NRXN1: variants seen among roughly 807,000 people sequenced by gnomAD.
NRXN1 encodes the protein neurexin 1.
Under a neutral mutation model 150.9 loss-of-function variants are expected in NRXN1, and 39 were observed. That is an observed-to-expected ratio of 0.26 (90% CI 0.20 to 0.34). The LOEUF (loss-of-function observed/expected upper bound fraction) is 0.34, where lower values mean the gene tolerates loss of function less well. Ranked by LOEUF, NRXN1 falls within the 10% of genes least tolerant of loss-of-function variation. NRXN1 has a pLI of 1.00. For synonymous variants in NRXN1, 924 were observed against 757.0 expected (o/e 1.22, Z -3.62); for missense variants, 1,815 against 1,949.9 (o/e 0.93, Z 1.30).
chr2:50,320,285 T>TAC (rs1558518798), intron 17 of NRXN1, among the ~76,000 whole-genome samples: 1,737 of 57,572 alleles, frequency 0.03, 74 homozygotes, highest in African/African-American at 0.055. Flanking sequence ...ACCTCAATCA[T>TAC]ATATATATAT....
intron 5 of NRXN1, among the ~76,000 whole-genome samples, chr2:50,855,751 A>G (rs1675181476): frequency 6.6e-6 from 1 of 152,084 alleles, no homozygotes; most frequent in African/African-American, 2.4e-5. Flanking sequence ...AAGGACAAAC[A>G]TTCATTGAAT....
chr2:50,313,182 A>G (rs1375887820), intron 17 of NRXN1, among the ~76,000 whole-genome samples: 1 of 152,092 alleles, frequency 6.6e-6, no homozygotes, highest in Non-Finnish European at 1.5e-5. Flanking sequence ...TATGTCTAGA[A>G]TTATCTCATC....
intron 19 of NRXN1, among the ~76,000 whole-genome samples, chr2:50,059,219 G>A (rs1694108112): frequency 6.6e-6 from 1 of 152,112 alleles, no homozygotes; most frequent in Non-Finnish European, 1.5e-5. Context: ...TGGAGCAAAG[G>A]AAATTATTGC....
At chr2:50,543,172 C>A (rs543916367) in intron 9 of NRXN1, among the ~76,000 whole-genome samples, 10 of 152,102 alleles carry the variant, frequency 6.6e-5, no homozygotes, top group African/African-American at 2.2e-4. Flanking sequence ...TTCCAGGAAC[C>A]ACAAATACTG....
At chr2:50,611,114 G>T (rs1678045518) in intron 8 of NRXN1, among the ~76,000 whole-genome samples, 1 of 135,118 alleles carries the variant, frequency 7.4e-6, no homozygotes, top group South Asian at 3.0e-4. Context: ...ATAAGCAAAT[G>T]GAGCAATTTA....
intron 17 of NRXN1, among the ~76,000 whole-genome samples, chr2:50,301,874 A>T (rs936624049): frequency 6.6e-6 from 1 of 152,158 alleles, no homozygotes; most frequent in African/African-American, 2.4e-5. Context: ...ATACAAATGA[A>T]TGAGACATTC....
At chr2:50,056,008 A>C (rs1693545669) in intron 19 of NRXN1, among the ~76,000 whole-genome samples, 1 of 152,050 alleles carries the variant, frequency 6.6e-6, no homozygotes, top group South Asian at 2.1e-4. Flanking sequence ...TGATCTGTAG[A>C]GCACTTACGA....
At chr2:50,104,102 G>A (rs1458409960) in intron 18 of NRXN1, among the ~76,000 whole-genome samples, 1 of 151,966 alleles carries the variant, frequency 6.6e-6, no homozygotes, top group African/African-American at 2.4e-5. Context: ...AAGGGATAGT[G>A]TTTGTGAAAT....
intron 6 of NRXN1, among the ~76,000 whole-genome samples, chr2:50,621,903 A>C (rs1286978683): frequency 6.6e-6 from 1 of 152,154 alleles, no homozygotes; most frequent in Admixed American, 6.6e-5. Context: ...CGGCTGTATA[A>C]CTACAGTTTC....
At chr2:50,162,225 G>A (rs762128439) in intron 18 of NRXN1, among the ~76,000 whole-genome samples, 6 of 152,110 alleles carry the variant, frequency 3.9e-5, no homozygotes, top group Non-Finnish European at 8.8e-5. Context: ...AGAACTAGGC[G>A]TTTTATATAG....
chr2:50,109,115 CTG>C (rs1316096731), intron 18 of NRXN1, among the ~76,000 whole-genome samples: 1 of 152,040 alleles, frequency 6.6e-6, no homozygotes, highest in Non-Finnish European at 1.5e-5. Context: ...AATATAGACT[CTG>C]TGTGATGGAT....
intron 8 of NRXN1, 22 bp downstream of exon 8, chr2:50,620,000 T>C: frequency 6.5e-7 from 1 of 1,548,622 alleles, no homozygotes; most frequent in South Asian, 1.3e-5. Context: ...TTAGGAATGA[T>C]TCTGATGGCA....
chr2:50,786,159 T>A (rs536181432), intron 5 of NRXN1, among the ~76,000 whole-genome samples: 1 of 152,076 alleles, frequency 6.6e-6, no homozygotes, highest in African/African-American at 2.4e-5. Flanking sequence ...TGAACTGTAA[T>A]ACATATATAA....
intron 8 of NRXN1, among the ~76,000 whole-genome samples, chr2:50,604,708 G>A (rs1676817491): frequency 6.6e-6 from 1 of 151,958 alleles, no homozygotes; most frequent in African/African-American, 2.4e-5. Context: ...ATATTTCTCA[G>A]TCACCATCCC....
chr2:50,412,412 G>A (rs1204221339), intron 17 of NRXN1, among the ~76,000 whole-genome samples: 1 of 151,900 alleles, frequency 6.6e-6, no homozygotes, highest in African/African-American at 2.4e-5. Context: ...TCATAAGTAT[G>A]TATATTTATA....
chr2:50,871,572 T>C (rs960672484), intron 5 of NRXN1, among the ~76,000 whole-genome samples: 3 of 151,990 alleles, frequency 2.0e-5, no homozygotes, highest in East Asian at 2.0e-4. Flanking sequence ...ACAGGCCACA[T>C]TGTTAGATCT....
intron 21 of NRXN1, chr2:49,973,167 T>C (rs1369185871): frequency 6.6e-6 from 1 of 152,228 alleles, no homozygotes; most frequent in Non-Finnish European, 1.5e-5. Flanking sequence ...CTCTAGGATA[T>C]AATTTCTTTA....
chr2:50,100,887 A>G (rs1189690859), intron 18 of NRXN1, among the ~76,000 whole-genome samples: 5 of 152,056 alleles, frequency 3.3e-5, no homozygotes, highest in Admixed American at 3.3e-4. Flanking sequence ...CAGAAATCAA[A>G]TAGAACAAGA....
chr2:50,990,294 T>TA lies in NRXN1; in HGVS notation c.772+37207dup, dbSNP rs149771051. Among the ~76,000 whole-genome samples, 1,057 of 152,118 alleles carry TA rather than the reference T, an allele frequency of 6.9e-3. 16 individuals are homozygous for TA. Among genetic ancestry groups the TA allele is most frequent in the African/African-American group, 0.022 (930 of 41,540 alleles). On this transcript the variant is annotated intron_variant, in intron 2 of 22. Transcript: ENST00000401669. ...CAAATGCACCTTTGAAGCCCAGTGC[T>TA]AAAAAAATCAATTTTTAAGAAGGTA...
Sources: gnomAD v4.1 joint callset for allele counts (sites outside exome capture counted in the v4.1 genomes callset) on GRCh38, gnomAD v4.1.1 for gene constraint, MANE v1.5 for transcripts, NCBI Gene and HGNC (gene_info 2026-07-23, HGNC 2026-07-21) for gene names.